The following GINS3 variants were observed in gnomAD, a reference collection of about 807,000 sequenced individuals.
The protein encoded by GINS3 is DNA replication complex GINS protein PSF3.
In GINS3, 18 loss-of-function variants were observed where a neutral mutation model predicts 20.0. That is an observed-to-expected ratio of 0.90 (90% CI 0.62 to 1.33). The LOEUF (loss-of-function observed/expected upper bound fraction) is 1.33, where lower values mean the gene tolerates loss of function less well. GINS3 is among the 40% of genes most tolerant of loss of function. GINS3 has a pLI of 0.00. For missense variants in GINS3, 254 were observed against 273.6 expected, an observed-to-expected ratio of 0.93 and a Z score of 0.51; for synonymous variants, 109 against 107.0, an observed-to-expected ratio of 1.02 and a Z score of -0.12.
chr16:58,397,214 C>T (rs1464991372), intron 1 of GINS3, among the ~76,000 whole-genome samples: 2 of 145,938 alleles, frequency 1.4e-5, no homozygotes, highest in South Asian at 2.2e-4. Context: ...TCAGACGGGG[C>T]GGCCGGGCAG....
intron 1 of GINS3, chr16:58,395,073 C>A: frequency 1.9e-6 from 1 of 522,246 alleles, no homozygotes; most frequent in Non-Finnish European, 3.3e-6. Flanking sequence ...ACCATTTTAT[C>A]TAATTTTTTT....
chr16:58,395,272 C>CTTTT (rs111843649), intron 1 of GINS3: 2 of 229,724 alleles, frequency 8.7e-6, no homozygotes, highest in Non-Finnish European at 7.5e-6. Context: ...TCTAAATTTT[C>CTTTT]TTTTTTTTTT....
intron 1 of GINS3, among the ~76,000 whole-genome samples, chr16:58,398,904 G>A (rs1040159060): frequency 6.6e-6 from 1 of 152,156 alleles, no homozygotes; most frequent in Non-Finnish European, 1.5e-5. Flanking sequence ...AGATGTCTAT[G>A]GGAAGTCATA....
At position 58,392,783 on chromosome 16, in the gene GINS3, C is replaced by T. The variant is rs1414347330; in HGVS notation, c.182C>T (p.Pro61Leu). ...SAGAETDNAV[P>L]QGSKLELPLW... ...GGCGCCGAGACTGACAACGCGGTCC[C>T]ACAGGTGAGCCTTTGGGTGCGGGGT... The change falls in exon 1 of 3, where the codon CCA (proline) becomes CTA (leucine). Residue 61 changes from proline (P) to leucine (L), a missense_variant. Transcript: ENST00000318129. 6.2e-7 allele frequency: 1 copy of T among 1,602,830 alleles called. No homozygotes were observed. Among genetic ancestry groups the T allele is most frequent in the South Asian group, 1.1e-5 (1 of 90,090 alleles).
chr16:58,401,540 C>T (rs563808538), intron 1 of GINS3, among the ~76,000 whole-genome samples: 1 of 152,320 alleles, frequency 6.6e-6, no homozygotes. Context: ...GTCCGTTTTA[C>T]AGAGTGCTGA....
intron 2 of GINS3, chr16:58,404,150 C>T: frequency 1.3e-5 from 3 of 222,364 alleles, no homozygotes; most frequent in East Asian, 1.1e-4. Flanking sequence ...TAGAAGAAAC[C>T]ATCATTTCTT....
In GINS3 at chr16:58,404,734, C is replaced by G; in HGVS notation, c.*5C>G. On this transcript the variant is annotated 3_prime_UTR_variant, in exon 3 of 3. Transcript: ENST00000318129. ...TTCACTGATATGGAAGACTGAAAGC[C>G]GGAAGAACACAGAATGGCTCCTCAC... 6.2e-7 allele frequency: 1 copy of G among 1,604,334 alleles called. No individual in the cohort carries two copies.
Position 58,404,859 on chromosome 16 carries a change from A to G in GINS3, c.*130A>G. ...GGCTTATTTCCTGTGGCCATAGAGA[A>G]TTATAGGGAACTGGACATGCTGGAG... On this transcript the variant is annotated 3_prime_UTR_variant, in exon 3 of 3. Coordinates refer to ENST00000318129, the MANE Select transcript of GINS3 (RefSeq NM_022770.4). 1.4e-6 allele frequency: 1 copy of G among 695,562 alleles called. No individual in the cohort carries two copies. Among genetic ancestry groups the G allele is most frequent in the Non-Finnish European group, 2.4e-6 (1 of 408,500 alleles). 43.1% of individuals were successfully genotyped at this position (695,562 alleles called of 1,614,324 possible).
chr16:58,398,466 G>A (rs553604978), intron 1 of GINS3, among the ~76,000 whole-genome samples: 67 of 152,054 alleles, frequency 4.4e-4, no homozygotes, highest in African/African-American at 1.2e-3. Flanking sequence ...TAAAAAAGCC[G>A]AGCATGGTAG....
chr16:58,404,684 C>T lies in GINS3; in HGVS notation c.606C>T (p.Leu202=), dbSNP rs770818447. 6 of 1,613,934 alleles carry T rather than the reference C, an allele frequency of 3.7e-6. No homozygotes were observed. The highest frequency in any genetic ancestry group is 2.7e-5 in the African/African-American group (2 of 74,898). The change falls in exon 3 of 3, where the codon CTC becomes CTT. Residue 202 remains leucine, a synonymous_variant. Transcript: ENST00000318129. ...GQASQITASN[L]VQNYKKRKFT... is the part of the protein sequence containing the mutation. Reference sequence around the variant, plus strand: ...CTTCTCAGATCACAGCTTCCAACCTCGTTCAGAATTACAAGAAGAGAAAAT... The same window carrying T: ...CTTCTCAGATCACAGCTTCCAACCTTGTTCAGAATTACAAGAAGAGAAAAT...
chr16:58,396,401 C>T (rs1459648602), intron 1 of GINS3, among the ~76,000 whole-genome samples: 1 of 123,126 alleles, frequency 8.1e-6, no homozygotes, highest in East Asian at 2.6e-4. Context: ...CTGACCCCCC[C>T]ACCTCCCTCC....
intron 1 of GINS3, among the ~76,000 whole-genome samples, chr16:58,400,180 A>G (rs1007040019): frequency 3.9e-5 from 6 of 152,178 alleles, no homozygotes; most frequent in Non-Finnish European, 8.8e-5. Flanking sequence ...ATATAGTCAC[A>G]CTCATGGTTA....
At position 58,405,832 on chromosome 16, in the gene GINS3, CT is replaced by C. The variant is rs1191746810; in HGVS notation, c.*1104del. The C allele has an allele frequency of 6.6e-6, 1 of 152,200 alleles. No homozygotes were observed. The highest frequency in any genetic ancestry group is 1.9e-4 in the East Asian group (1 of 5,194). 9.4% of individuals were successfully genotyped at this position (152,200 alleles called of 1,614,324 possible). On this transcript the variant is annotated 3_prime_UTR_variant, in exon 3 of 3. Coordinates refer to ENST00000318129, the MANE Select transcript of GINS3 (RefSeq NM_022770.4). ...GTTTGCAGGGCATCACTGCTTCCCC[CT>C]GACACCTCACAACTAGCAAAAATTG... is the stretch of plus-strand genomic sequence containing the variant.
Position 58,392,764 on chromosome 16 carries a change from G to T in GINS3, c.163G>T (p.Glu55Ter), listed in dbSNP as rs770292199. 1 of 1,610,954 alleles carries T rather than the reference G, an allele frequency of 6.2e-7. No individual in the cohort carries two copies. The highest frequency in any genetic ancestry group is 2.2e-5 in the East Asian group (1 of 44,860). ...AFFLERSAGA[E>*]TDNAVPQGSK... ...CTTCCTGGAGCGGAGCGCAGGCGCC[G>T]AGACTGACAACGCGGTCCCACAGGT... The change falls in exon 1 of 3, where the codon GAG becomes TAG. Residue 55 changes from glutamate to a stop codon, truncating the protein, a stop_gained. Coordinates refer to ENST00000318129, the MANE Select transcript of GINS3 (RefSeq NM_022770.4). LOFTEE classifies it high-confidence loss of function.
intron 1 of GINS3, among the ~76,000 whole-genome samples, chr16:58,397,448 A>G (rs1005618823): frequency 6.6e-6 from 1 of 151,360 alleles, no homozygotes; most frequent in Admixed American, 6.6e-5. Context: ...TGGGGGGCCA[A>G]GGCAGGCAGC....
Position 58,404,748 on chromosome 16 carries a change from A to C in GINS3, c.*19A>C. 7 of 1,570,424 alleles carry C rather than the reference A, an allele frequency of 4.5e-6. No homozygotes were observed. Among genetic ancestry groups the C allele is most frequent in the Non-Finnish European group, 6.1e-6 (7 of 1,142,798 alleles). On this transcript the variant is annotated 3_prime_UTR_variant, in exon 3 of 3. Transcript: ENST00000318129. ...AGACTGAAAGCCGGAAGAACACAGA[A>C]TGGCTCCTCACAGACGTATCCCTCC...
chr16:58,396,912 G>A (rs1414020599), intron 1 of GINS3, among the ~76,000 whole-genome samples: 1 of 148,166 alleles, frequency 6.7e-6, no homozygotes, highest in East Asian at 2.1e-4. Flanking sequence ...CCTCCTTCCC[G>A]GACGGGGCGG....
intron 1 of GINS3, among the ~76,000 whole-genome samples, chr16:58,393,828 C>CA (rs746322212): frequency 0.088 from 4,784 of 54,674 alleles, 132 homozygotes; most frequent in Middle Eastern, 0.2. Flanking sequence ...GACTCCATCT[C>CA]AAAAAAAAAA....
At chr16:58,395,966 C>A (rs1202364008) in intron 1 of GINS3, among the ~76,000 whole-genome samples, 7 of 144,096 alleles carry the variant, frequency 4.9e-5, no homozygotes, top group South Asian at 4.5e-4. Context: ...GGGGGCTGGC[C>A]CCCCCACCTC....
Sources: allele counts gnomAD v4.1 joint callset (sites outside exome capture counted in the v4.1 genomes callset), GRCh38; gene constraint gnomAD v4.1.1; transcripts MANE v1.5; gene names NCBI Gene and HGNC (gene_info 2026-07-23, HGNC 2026-07-21).